PRDM5: variants seen among roughly 807,000 people sequenced by gnomAD.
PRDM5 encodes PR domain zinc finger protein 5.
PRDM5 carries 56 observed loss-of-function variants against 81.2 expected under a neutral mutation model. The observed-to-expected ratio is 0.69, with a 90% CI of 0.56 to 0.86. The LOEUF (loss-of-function observed/expected upper bound fraction) is 0.86. Ranked by LOEUF, PRDM5 falls within the 40% of genes least tolerant of loss-of-function variation. PRDM5 has a pLI of 0.00. For missense variants in PRDM5, 697 were observed against 770.1 expected (o/e 0.91, Z 1.12); for synonymous variants, 267 against 256.4 (o/e 1.04, Z -0.39).
At chr4:120,785,410 C>T (rs1334236463) in intron 10 of PRDM5, among the ~76,000 whole-genome samples, 1 of 152,126 alleles carries the variant, frequency 6.6e-6, no homozygotes, top group Non-Finnish European at 1.5e-5. Flanking sequence ...ACTGTGCGTA[C>T]TTTCTCTGAA....
In PRDM5 at chr4:120,816,546, C is replaced by T; in HGVS notation, c.772G>A (p.Gly258Arg). The change falls in exon 7 of 16, where the codon GGG becomes AGG. Residue 258 changes from glycine to arginine, a missense_variant. By Grantham distance (125) the Gly-to-Arg change is moderately radical. Transcript: ENST00000264808. ...GCCTTGCACACAAACCTGGCATCCC[C>T]CCGGCAAGTCTCCTGGTGCTGCTCA... ...SFEQHQETCR[G>R]DARFVCKADS... 1 of 1,614,138 alleles carries T rather than the reference C, an allele frequency of 6.2e-7. No individual in the cohort carries two copies. Among genetic ancestry groups the T allele is most frequent in the South Asian group, 1.1e-5 (1 of 91,082 alleles).
chr4:120,906,314 T>C (rs1407656989), intron 2 of PRDM5, among the ~76,000 whole-genome samples: 2 of 152,170 alleles, frequency 1.3e-5, no homozygotes, highest in Non-Finnish European at 2.9e-5. Context: ...TGTCTTCCAA[T>C]TGCCTCCATT....
At chr4:120,890,098 T>C (rs1161276346) in intron 2 of PRDM5, among the ~76,000 whole-genome samples, 1 of 152,124 alleles carries the variant, frequency 6.6e-6, no homozygotes, top group Non-Finnish European at 1.5e-5. Flanking sequence ...CCTGGGTAAT[T>C]TATAAAGAAA....
rs150447566 is a variant in PRDM5 at position 120,781,597 on chromosome 4, C to T, written c.1283-294G>A. Among the ~76,000 whole-genome samples, 470 of 152,228 alleles carry T rather than the reference C, an allele frequency of 3.1e-3. 3 individuals carry two copies. The highest frequency in any genetic ancestry group is 0.011 in the African/African-American group (458 of 41,530). ...TTTTTAAAAGTATGTACTTCTACAG[C>T]GGGGGCTGGGATTTGAGGTAAATAG... is the stretch of plus-strand genomic sequence containing the variant. On this transcript the variant is annotated intron_variant, in intron 11 of 15. Coordinates refer to ENST00000264808, the MANE Select transcript of PRDM5 (RefSeq NM_018699.4).
intron 3 of PRDM5, chr4:120,837,640 TA>T (rs1205887702): frequency 6.6e-6 from 1 of 152,100 alleles, no homozygotes; most frequent in African/African-American, 2.4e-5. Context: ...TTTGATAAAG[TA>T]AAAAACAAGC....
Position 120,825,089 on chromosome 4 carries a change from G to C in PRDM5, c.301-3744C>G, listed in dbSNP as rs1578885848. On this transcript the variant is annotated intron_variant, in intron 3 of 15. Coordinates refer to ENST00000264808, the MANE Select transcript of PRDM5 (RefSeq NM_018699.4). ...GAGAGCAGGACTTTGGGATGCTCAG[G>C]GTTCAAAGTCTCACTCTAGATTGAC... 2.0e-5 allele frequency among the ~76,000 whole-genome samples: 3 copies of C among 152,056 alleles called. No homozygotes were observed. In the South Asian group the frequency reaches 6.2e-4, roughly 32 times the overall value.
At chr4:120,775,934 A>G (rs1393896680) in intron 13 of PRDM5, among the ~76,000 whole-genome samples, 1 of 152,066 alleles carries the variant, frequency 6.6e-6, no homozygotes, top group African/African-American at 2.4e-5. Flanking sequence ...TTCCCTCTTC[A>G]TTAGTTCCTT....
intron 9 of PRDM5, 87 bp downstream of exon 9, chr4:120,799,574 T>G: frequency 6.5e-7 from 1 of 1,537,092 alleles, no homozygotes; most frequent in Non-Finnish European, 8.8e-7. Context: ...CTAAGGCCCC[T>G]GATTACCACT....
chr4:120,744,164 G>C (rs146913706), intron 14 of PRDM5, among the ~76,000 whole-genome samples: 7,122 of 150,900 alleles, frequency 0.047, 302 homozygotes, highest in African/African-American at 0.12. Context: ...ACTGAACAAC[G>C]TGCTCCTGAA....
rs1318718439 is a variant in PRDM5 at position 120,858,511 on chromosome 4, A to C, written c.178-4971T>G. On this transcript the variant is annotated intron_variant, in intron 2 of 15. Coordinates refer to ENST00000264808, the MANE Select transcript of PRDM5 (RefSeq NM_018699.4). ...AAAAGGGCATGGGTTTTATTCCCCC[A>C]CTGATTGTTCAAAGGATTCTCTCTA... is the stretch of plus-strand genomic sequence containing the variant. Among the ~76,000 whole-genome samples, 6 of 152,068 alleles carry C rather than the reference A, an allele frequency of 3.9e-5. No individual in the cohort carries two copies. The South Asian group carries it at 1.2e-3, about 32-fold the overall frequency.
chr4:120,798,529 G>T, intron 9 of PRDM5, 105 bp from the exon 10 acceptor site: 1 of 1,052,428 alleles, frequency 9.5e-7, no homozygotes, highest in Non-Finnish European at 1.4e-6. Context: ...GAAAACTAAA[G>T]GATGGTCAAA....
chr4:120,755,796 A>G (rs758697734), intron 13 of PRDM5, among the ~76,000 whole-genome samples: 1 of 152,096 alleles, frequency 6.6e-6, no homozygotes, highest in East Asian at 1.9e-4. Context: ...GTTCTCCCCA[A>G]CTTTGTTTCC....
chr4:120,910,040 A>G (rs2148689558), intron 1 of PRDM5, among the ~76,000 whole-genome samples: 1 of 149,558 alleles, frequency 6.7e-6, no homozygotes, highest in East Asian at 2.0e-4. Flanking sequence ...ATTTCTTCAT[A>G]TTTTCTACTC....
intron 14 of PRDM5, among the ~76,000 whole-genome samples, chr4:120,743,045 T>C (rs11722568): frequency 0.32 from 47,681 of 148,676 alleles, 7,974 homozygotes; most frequent in Middle Eastern, 0.39. Flanking sequence ...TCGGGTTACC[T>C]TCAAAGGGAA....
Position 120,894,676 on chromosome 4 carries a change from G to T in PRDM5, c.177+12798C>A, listed in dbSNP as rs932477664. Among the ~76,000 whole-genome samples, 8 of 152,122 alleles carry T rather than the reference G, an allele frequency of 5.3e-5. No homozygotes were observed. In the South Asian group the frequency reaches 6.2e-4, roughly 12 times the overall value. ...AAAGAAACATATATGTATTTTCAGG[G>T]TTTAAAACTGAGAATCTTCTTTCCT... is the stretch of plus-strand genomic sequence containing the variant. On this transcript the variant is annotated intron_variant, in intron 2 of 15. Coordinates refer to ENST00000264808, the MANE Select transcript of PRDM5 (RefSeq NM_018699.4).
chr4:120,763,637 T>C (rs1745953820), intron 13 of PRDM5, among the ~76,000 whole-genome samples: 1 of 152,184 alleles, frequency 6.6e-6, no homozygotes, highest in Admixed American at 6.5e-5. Flanking sequence ...TTCTTTATCA[T>C]TGATGTGGTT....
chr4:120,783,398 C>T (rs1749319606), intron 11 of PRDM5, among the ~76,000 whole-genome samples: 1 of 152,078 alleles, frequency 6.6e-6, no homozygotes, highest in African/African-American at 2.4e-5. Flanking sequence ...ACAGTCTACA[C>T]ATAGTCACTT....
chr4:120,726,414 C>A (rs777111374), intron 14 of PRDM5, among the ~76,000 whole-genome samples: 1 of 152,112 alleles, frequency 6.6e-6, no homozygotes, highest in Non-Finnish European at 1.5e-5. Flanking sequence ...TGCTGTAATT[C>A]TTTACATTGG....
In PRDM5 at chr4:120,922,720, A is replaced by G; in HGVS notation, c.-112T>C. 3 of 1,418,448 alleles carry G rather than the reference A, an allele frequency of 2.1e-6. No individual in the cohort carries two copies. Among genetic ancestry groups the G allele is most frequent in the Non-Finnish European group, 2.9e-6 (3 of 1,032,984 alleles). 87.9% of individuals were successfully genotyped at this position (1,418,448 alleles called of 1,614,324 possible). ...AGAGGGGAGAAACCGGCAGGGAAGG[A>G]GGAAATGGAGTTTTCCTCCCAGAAT... On this transcript the variant is annotated 5_prime_UTR_variant, in exon 1 of 16. Coordinates refer to ENST00000264808, the MANE Select transcript of PRDM5 (RefSeq NM_018699.4).
Sources: gnomAD v4.1 joint callset for allele counts (sites outside exome capture counted in the v4.1 genomes callset) on GRCh38, gnomAD v4.1.1 for gene constraint, MANE v1.5 for transcripts, NCBI Gene and HGNC (gene_info 2026-07-23, HGNC 2026-07-21) for gene names.